The following LMTK2 variants were observed in gnomAD, a reference collection of about 807,000 sequenced individuals.
The protein encoded by LMTK2 is serine/threonine-protein kinase LMTK2.
A neutral mutation model predicts 127.5 loss-of-function variants in LMTK2; 37 were observed. That is an observed-to-expected ratio of 0.29 (90% CI 0.22 to 0.38). LMTK2 has a LOEUF of 0.38. Ranked by LOEUF, LMTK2 falls within the 10% of genes least tolerant of loss-of-function variation. The pLI, the probability that LMTK2 is intolerant of heterozygous loss-of-function variation, is 1.00. For synonymous variants in LMTK2, 819 were observed against 810.1 expected (o/e 1.01, Z -0.19); for missense variants, 1,694 against 1,920.3 (o/e 0.88, Z 2.20).
rs1409900423 is a variant in LMTK2, at chr7:98,186,868, A to G, written c.877-9A>G. The G allele has an allele frequency of 6.2e-7, 1 of 1,609,472 alleles. No homozygotes were observed. The highest frequency in any genetic ancestry group is 2.2e-5 in the East Asian group (1 of 44,838). On this transcript the variant is annotated splice_polypyrimidine_tract_variant and intron_variant, in intron 8 of 13. Transcript: ENST00000297293. ...TATTCAAAATTCTGTGTGCTTTCTA[A>G]CAAAACAGGAGGATTATATTGAAAC...
intron 5 of LMTK2, among the ~76,000 whole-genome samples, chr7:98,158,598 A>G (rs1489506586): frequency 1.3e-5 from 2 of 151,530 alleles, no homozygotes; most frequent in African/African-American, 4.8e-5. Flanking sequence ...AAATGGAAAG[A>G]AATAATGCAG....
chr7:98,124,290 C>T (rs1390958221), intron 1 of LMTK2, among the ~76,000 whole-genome samples: 2 of 152,186 alleles, frequency 1.3e-5, no homozygotes, highest in Non-Finnish European at 2.9e-5. Context: ...CACTCTGAGC[C>T]TCACCATGTA....
intron 3 of LMTK2, among the ~76,000 whole-genome samples, chr7:98,149,511 T>C (rs1425088211): frequency 1.3e-5 from 2 of 152,222 alleles, no homozygotes; most frequent in African/African-American, 4.8e-5. Flanking sequence ...TTTCCACTGC[T>C]GTCAGTTAAT....
At chr7:98,170,389 A>G (rs1211437090) in intron 6 of LMTK2, among the ~76,000 whole-genome samples, 2 of 152,242 alleles carry the variant, frequency 1.3e-5, no homozygotes, top group African/African-American at 4.8e-5. Context: ...TGTACTCAGT[A>G]TTAAATGTGG....
intron 1 of LMTK2, among the ~76,000 whole-genome samples, chr7:98,125,892 C>A (rs1340365318): frequency 1.3e-5 from 2 of 152,192 alleles, no homozygotes; most frequent in Admixed American, 6.5e-5. Flanking sequence ...AATTCTCTCT[C>A]CCCATACCCG....
intron 7 of LMTK2, among the ~76,000 whole-genome samples, chr7:98,179,720 AG>A (rs1250312915): frequency 1.3e-5 from 2 of 151,822 alleles, no homozygotes; most frequent in Non-Finnish European, 2.9e-5. Flanking sequence ...TGTTCATAAC[AG>A]TGGAGTCACA....
At chr7:98,137,533 C>T (rs1400024637) in intron 2 of LMTK2, 91 bp downstream of exon 2, 1 of 1,295,008 alleles carries the variant, frequency 7.7e-7, no homozygotes, top group Non-Finnish European at 1.0e-6. Context: ...GGAACAGGAT[C>T]AGCAGATTTT....
At chr7:98,110,718 T>G (rs905127655) in intron 1 of LMTK2, among the ~76,000 whole-genome samples, 2 of 152,316 alleles carry the variant, frequency 1.3e-5, no homozygotes. Flanking sequence ...TTATTAATAT[T>G]AGGATAGTGG....
rs549805744 is a variant in LMTK2 at position 98,203,108 on chromosome 7, G to C, written c.4108-466G>C. 8.5e-5 allele frequency among the ~76,000 whole-genome samples: 13 copies of C among 152,328 alleles called. No homozygotes were observed. The South Asian group carries it at 2.5e-3, about 29-fold the overall frequency. ...CTGGAGAGCAAGAGAACAGAGAAAA[G>C]AAGAAAGCTGGAATTCCCCCTTCTC... On this transcript the variant is annotated intron_variant, in intron 11 of 13. Coordinates refer to ENST00000297293, the MANE Select transcript of LMTK2 (RefSeq NM_014916.4).
chr7:98,199,557 T>C (rs1054218600), intron 11 of LMTK2, among the ~76,000 whole-genome samples: 1 of 152,230 alleles, frequency 6.6e-6, no homozygotes, highest in Non-Finnish European at 1.5e-5. Flanking sequence ...TGCAGTGGTA[T>C]GATTTTGGCT....
At chr7:98,113,203 T>G (rs1000814695) in intron 1 of LMTK2, among the ~76,000 whole-genome samples, 1 of 152,194 alleles carries the variant, frequency 6.6e-6, no homozygotes, top group Non-Finnish European at 1.5e-5. Context: ...ATGCTATTCT[T>G]GTGATAGTGA....
At chr7:98,196,166 G>T (rs1381559805) in intron 11 of LMTK2, among the ~76,000 whole-genome samples, 2 of 151,444 alleles carry the variant, frequency 1.3e-5, no homozygotes, top group African/African-American at 4.9e-5. Context: ...TCCAGCCTGG[G>T]TGACAGAGTG....
chr7:98,192,121 T>C lies in LMTK2; in HGVS notation c.1656T>C (p.Tyr552=), dbSNP rs1428759893. 2 of 1,543,726 alleles carry C rather than the reference T, an allele frequency of 1.3e-6. No individual in the cohort carries two copies. Among genetic ancestry groups the C allele is most frequent in the Middle Eastern group, 1.8e-4 (1 of 5,708 alleles). The change falls in exon 11 of 14, where the codon TAT becomes TAC. Residue 552 remains tyrosine (Y), a synonymous_variant. Transcript: ENST00000297293. ...AHNLSVGSDY[Y]IQLEEKSGSN... ...ACCTTTCTGTTGGAAGCGACTATTA[T>C]ATCCAGTTAGAAGAAAAAAGTGGTA...
intron 1 of LMTK2, among the ~76,000 whole-genome samples, chr7:98,135,496 A>AT (rs576864589): frequency 0.01 from 1,531 of 151,654 alleles, 6 homozygotes; most frequent in Non-Finnish European, 0.016. Flanking sequence ...TTTTATTGCT[A>AT]TTTTTTGTAG....
intron 11 of LMTK2, among the ~76,000 whole-genome samples, chr7:98,200,921 T>C (rs2116480027): frequency 6.6e-6 from 1 of 152,246 alleles, no homozygotes; most frequent in African/African-American, 2.4e-5. Context: ...AACTCTCTGA[T>C]CTGGAGGGCC....
rs747073150 is a variant in LMTK2 at position 98,191,939 on chromosome 7, G to C, written c.1474G>C (p.Gly492Arg). 6.2e-7 allele frequency: 1 copy of C among 1,613,986 alleles called. No homozygotes were observed. The highest frequency in any genetic ancestry group is 1.1e-5 in the South Asian group (1 of 91,068). ...KHDHFDERSR[G>R]HLDEGLSYTS... ...CGACCACTTTGACGAGCGCAGCCGG[G>C]GCCACCTGGACGAAGGCTTGTCCTA... The change falls in exon 11 of 14, where the codon GGC (glycine) becomes CGC (arginine). Residue 492 changes from glycine (G) to arginine (R), a missense_variant. Gly to Arg is a moderately radical substitution (Grantham distance 125). Around this residue, in one of 8 missense-constraint regions of LMTK2, gnomAD observed 216 missense variants for 266.8 expected, o/e 0.81. Coordinates refer to ENST00000297293, the MANE Select transcript of LMTK2 (RefSeq NM_014916.4).
chr7:98,107,231 C>T lies in LMTK2; in HGVS notation c.54C>T (p.Leu18=), dbSNP rs1296920480. The T allele has an allele frequency of 3.4e-6, 5 of 1,462,220 alleles. No homozygotes were observed. The African/African-American group carries it at 4.4e-5, about 13-fold the overall frequency. 90.6% of individuals were successfully genotyped at this position (1,462,220 alleles called of 1,614,324 possible). A position where few individuals can be genotyped will look rare whatever the true frequency, so the allele number is the denominator to read the frequency against. ...RRRLLLLLLV[L]LIAGSAGAAP... is the part of the protein sequence containing the mutation. Reference sequence around the variant, plus strand: ...GGCTGCTGCTGCTGCTGCTGGTCCTCCTGATCGCCGGCAGTGCTGGGGCCG... The same window carrying T: ...GGCTGCTGCTGCTGCTGCTGGTCCTTCTGATCGCCGGCAGTGCTGGGGCCG... The change falls in exon 1 of 14, where the codon CTC becomes CTT. Residue 18 remains leucine, a synonymous_variant. Coordinates refer to ENST00000297293, the MANE Select transcript of LMTK2 (RefSeq NM_014916.4).
In LMTK2 at chr7:98,186,911, T is replaced by G. The variant is rs762692035; in HGVS notation, c.911T>G (p.Phe304Cys). The G allele has an allele frequency of 2.5e-6, 4 of 1,613,486 alleles. No individual in the cohort carries two copies. In the Admixed American group the frequency reaches 6.7e-5, roughly 27 times the overall value. ...ATTGAAACAGATGATAAAAAAGTTT[T>G]CCCTCTGCGATGGACTGCTCCAGAA... ...DYIETDDKKV[F>C]PLRWTAPELV... Residue 304 changes from phenylalanine (F) to cysteine (C), a missense_variant, in exon 9 of 14, where the codon TTC becomes TGC. By Grantham distance (205) the Phe-to-Cys change is radical (BLOSUM62 -2). This residue lies in a region of LMTK2 where 47 missense variants were observed against 95.4 expected (regional missense o/e 0.49). Coordinates refer to ENST00000297293, the MANE Select transcript of LMTK2 (RefSeq NM_014916.4).
In LMTK2 at chr7:98,191,740, G is replaced by A. The variant is rs751210955; in HGVS notation, c.1275G>A (p.Gln425=). 57 of 1,614,070 alleles carry A rather than the reference G, an allele frequency of 3.5e-5. 1 individual carries two copies. Among genetic ancestry groups the A allele is most frequent in the Non-Finnish European group, 1.5e-5 (18 of 1,180,038 alleles). ...QRDSEVDFEQ[Q]WNALKPNTNS... ...ACTCAGAGGTCGACTTTGAACAGCA[G>A]TGGAACGCTCTGAAGCCGAACACAA... Residue 425 remains glutamine (Q), a synonymous_variant, in exon 11 of 14, where the codon CAG becomes CAA. Transcript: ENST00000297293.
Sources: gnomAD v4.1 joint callset for allele counts (sites outside exome capture counted in the v4.1 genomes callset) on GRCh38, gnomAD v4.1.1 for gene constraint, gnomAD v4.1.1 regional missense constraint, MANE v1.5 for transcripts, NCBI Gene and HGNC (gene_info 2026-07-23, HGNC 2026-07-21) for gene names.